Variants in ARPP21 observed in about 807,000 individuals in gnomAD.
ARPP21 encodes cAMP-regulated phosphoprotein 21.
A neutral mutation model predicts 113.2 loss-of-function variants in ARPP21; 69 were observed. The ratio of observed to expected loss-of-function variants is 0.61; its 90% CI spans 0.50 to 0.74. The LOEUF is 0.74. Among genes scored for constraint, ARPP21 ranks in the 30% least tolerant of loss-of-function variants. The pLI, the probability that ARPP21 is intolerant of heterozygous loss-of-function variation, is 0.00. For synonymous variants in ARPP21, 368 were observed against 375.5 expected (o/e 0.98, Z 0.23); for missense variants, 1,070 against 1,037.4 (o/e 1.03, Z -0.43).
intron 19 of ARPP21, among the ~76,000 whole-genome samples, chr3:35,759,287 C>A (rs1418104968): frequency 1.3e-5 from 2 of 152,004 alleles, no homozygotes; most frequent in Admixed American, 6.6e-5. Context: ...CCTAGGAAAC[C>A]AATAAACCCA....
rs1559838179 is a variant in ARPP21, at chr3:35,748,118, A to AAAGAAAG, written c.2137+4156_2137+4162dup. On this transcript the variant is annotated intron_variant, in intron 19 of 20. Transcript: ENST00000684406. ...AGAAAGAAAGAAAGAAAGAAGAAAGAAAGAAAGAAAAGAAAGAAAGGGAGA... is the reference window on the plus strand; with the variant it reads ...AGAAAGAAAGAAAGAAAGAAGAAAGAAAGAAAGAAGAAAGAAAAGAAAGAAAGGGAGA... Among the ~76,000 whole-genome samples, 17 of 136,438 alleles carry AAAGAAAG rather than the reference A, an allele frequency of 1.2e-4. No individual in the cohort carries two copies. In the Admixed American group the frequency reaches 1.3e-3, roughly 10 times the overall value. The allele number at this position is 136,438 out of a possible 152,430, so 89.5% of individuals were successfully genotyped here. A position where few individuals can be genotyped will look rare whatever the true frequency, so the allele number is the denominator to read the frequency against.
chr3:35,720,870 C>CT (rs1367749328), intron 13 of ARPP21, among the ~76,000 whole-genome samples: 1 of 152,046 alleles, frequency 6.6e-6, no homozygotes, highest in Non-Finnish European at 1.5e-5. Context: ...ACCTGAGGAG[C>CT]TTTTTTTGTT....
intron 19 of ARPP21, among the ~76,000 whole-genome samples, chr3:35,760,500 A>G (rs1291616474): frequency 6.6e-6 from 1 of 151,870 alleles, no homozygotes; most frequent in Non-Finnish European, 1.5e-5. Flanking sequence ...AGATGGCTTT[A>G]TTTGGGGAAG....
chr3:35,664,550 C>T (rs1420504293), intron 1 of ARPP21, among the ~76,000 whole-genome samples: 5 of 152,180 alleles, frequency 3.3e-5, no homozygotes, highest in African/African-American at 1.2e-4. Context: ...CGATGACGTC[C>T]CATTCCTGTT....
rs757564373 is a variant in ARPP21 at position 35,729,340 on chromosome 3, G to A, written c.1263G>A (p.Ser421=). Residue 421 remains serine, a synonymous_variant, in exon 15 of 21, where the codon TCG becomes TCA. Transcript: ENST00000684406. ...CCAGCAGTGCAGGCTCCTCAGGATC[G>A]CTGTCCCGCACCCATCCACCTCTCC... The part of the protein sequence containing the change: ...ESSSSAGSSG[S]LSRTHPPLQS... The A allele has an allele frequency of 2.5e-5, 41 of 1,613,926 alleles. No homozygotes were observed. Among genetic ancestry groups the A allele is most frequent in the South Asian group, 5.5e-5 (5 of 91,078 alleles).
chr3:35,750,586 G>A (rs1217762860), intron 19 of ARPP21, among the ~76,000 whole-genome samples: 1 of 152,070 alleles, frequency 6.6e-6, no homozygotes, highest in African/African-American at 2.4e-5. Flanking sequence ...AATCAGGTTG[G>A]TTTATTTTGT....
At chr3:35,746,486 A>G (rs1286712421) in intron 19 of ARPP21, among the ~76,000 whole-genome samples, 1 of 152,204 alleles carries the variant, frequency 6.6e-6, no homozygotes, top group East Asian at 1.9e-4. Flanking sequence ...GAAGAACTAG[A>G]AAATAAGACT....
At chr3:35,677,312 CAT>C (rs2077767970) in intron 1 of ARPP21, among the ~76,000 whole-genome samples, 1 of 151,618 alleles carries the variant, frequency 6.6e-6, no homozygotes, top group East Asian at 2.0e-4. Context: ...ACACTTAGGA[CAT>C]ATCTATTTTG....
intron 19 of ARPP21, among the ~76,000 whole-genome samples, chr3:35,776,789 A>C (rs1462630228): frequency 6.6e-6 from 1 of 152,064 alleles, no homozygotes; most frequent in African/African-American, 2.4e-5. Flanking sequence ...CTAAAATTAC[A>C]GCCCAGAAAT....
intron 17 of ARPP21, among the ~76,000 whole-genome samples, chr3:35,738,771 G>A (rs1287568060): frequency 4.6e-5 from 7 of 152,170 alleles, no homozygotes; most frequent in Admixed American, 3.3e-4. Flanking sequence ...TTGAGCAACA[G>A]CTTAAAGGAT....
At chr3:35,769,686 G>A (rs899825724) in intron 19 of ARPP21, among the ~76,000 whole-genome samples, 3 of 152,096 alleles carry the variant, frequency 2.0e-5, no homozygotes, top group Admixed American at 6.6e-5. Flanking sequence ...GTTATCTTAG[G>A]TTCGCTAGGC....
intron 18 of ARPP21, 149 bp from the exon 19 acceptor site, chr3:35,743,690 T>C (rs1469130844): frequency 4.2e-6 from 3 of 718,382 alleles, no homozygotes; most frequent in Non-Finnish European, 7.0e-6. Flanking sequence ...ACGGGAGAAG[T>C]AGCATGCACA....
In ARPP21 at chr3:35,721,929, T is replaced by C. The variant is rs1394748567; in HGVS notation, c.1225+95T>C. On this transcript the variant is annotated intron_variant, in intron 14 of 20. Transcript: ENST00000684406. ...TTCCCTCTGACTTTCAGTTGACTGA[T>C]AATGATGATATTAATCACAGGGATA... 1.2e-5 allele frequency: 9 copies of C among 728,172 alleles called. No homozygotes were observed. The African/African-American group carries it at 1.2e-4, about 10-fold the overall frequency. 45.1% of individuals were successfully genotyped at this position (728,172 alleles called of 1,614,324 possible). A position where few individuals can be genotyped will look rare whatever the true frequency, so the allele number is the denominator to read the frequency against.
chr3:35,760,626 T>C (rs1300165145), intron 19 of ARPP21, among the ~76,000 whole-genome samples: 1 of 152,066 alleles, frequency 6.6e-6, no homozygotes. Context: ...AGGACTGTAG[T>C]ATGTGCATGG....
intron 19 of ARPP21, among the ~76,000 whole-genome samples, chr3:35,778,102 G>A (rs2096424437): frequency 6.6e-6 from 1 of 152,116 alleles, no homozygotes; most frequent in African/African-American, 2.4e-5. Flanking sequence ...CTAAAACCAA[G>A]AGACAGTATT....
chr3:35,700,154 C>T (rs1464711635), intron 9 of ARPP21, among the ~76,000 whole-genome samples: 2 of 151,728 alleles, frequency 1.3e-5, no homozygotes, highest in Non-Finnish European at 2.9e-5. Flanking sequence ...TCCTCCCAAG[C>T]AAGTTAAGTA....
chr3:35,689,043 C>A (rs1042548479), intron 6 of ARPP21, among the ~76,000 whole-genome samples: 3 of 151,546 alleles, frequency 2.0e-5, no homozygotes, highest in African/African-American at 7.3e-5. Context: ...ACCTCTCCCC[C>A]ACACCCAGAC....
At position 35,794,277 on chromosome 3, in the gene ARPP21, A is replaced by C; in HGVS notation, c.*319A>C. On this transcript the variant is annotated 3_prime_UTR_variant, in exon 21 of 21. Coordinates refer to ENST00000684406, the MANE Select transcript of ARPP21 (RefSeq NM_001385562.1). ...TGGATTAGTTTTGTACTTTGTGTTG[A>C]GTTTGTGATGCTAAAAGTATTTAAA... 1 of 312,960 alleles carries C rather than the reference A, an allele frequency of 3.2e-6. No homozygotes were observed. Among genetic ancestry groups the C allele is most frequent in the South Asian group, 6.7e-5 (1 of 14,936 alleles). 19.4% of individuals were successfully genotyped at this position (312,960 alleles called of 1,614,324 possible). A position where few individuals can be genotyped will look rare whatever the true frequency, so the allele number is the denominator to read the frequency against.
At position 35,794,200 on chromosome 3, in the gene ARPP21, A is replaced by G; in HGVS notation, c.*242A>G. The G allele has an allele frequency of 5.4e-6, 3 of 554,478 alleles. No individual in the cohort carries two copies. The South Asian group carries it at 6.8e-5, about 13-fold the overall frequency. The allele number at this position is 554,478 out of a possible 1,614,324, so 34.3% of individuals were successfully genotyped here. On this transcript the variant is annotated 3_prime_UTR_variant, in exon 21 of 21. Transcript: ENST00000684406. Reference sequence around the variant, plus strand: ...CTAGTGACATGAATTCATCAAGGTAAGATTTTCTCCTACCACTGAATACCA... The same window carrying G: ...CTAGTGACATGAATTCATCAAGGTAGGATTTTCTCCTACCACTGAATACCA...
Sources: gnomAD v4.1 joint callset for allele counts (sites outside exome capture counted in the v4.1 genomes callset) on GRCh38, gnomAD v4.1.1 for gene constraint, MANE v1.5 for transcripts, NCBI Gene and HGNC (gene_info 2026-07-23, HGNC 2026-07-21) for gene names.